The following UBE4B variants were observed in gnomAD, a reference collection of about 807,000 sequenced individuals.
UBE4B encodes the protein ubiquitination factor E4B, also known as ubiquitin conjugation factor E4 B.
A neutral mutation model predicts 148.1 loss-of-function variants in UBE4B; 27 were observed. The ratio of observed to expected loss-of-function variants is 0.18; its 90% CI spans 0.13 to 0.25. The LOEUF (loss-of-function observed/expected upper bound fraction) is 0.25, where lower values mean the gene tolerates loss of function less well. Ranked by LOEUF, UBE4B falls within the 10% of genes least tolerant of loss-of-function variation. The pLI, the probability that UBE4B is intolerant of heterozygous loss-of-function variation, is 1.00. For synonymous variants in UBE4B, 596 were observed against 619.3 expected, an observed-to-expected ratio of 0.96 and a Z score of 0.56; for missense variants, 1,170 against 1,662.4, an observed-to-expected ratio of 0.70 and a Z score of 5.15.
intron 10 of UBE4B, among the ~76,000 whole-genome samples, chr1:10,125,788 A>G (rs1009910929): frequency 3.3e-5 from 5 of 152,238 alleles, no homozygotes; most frequent in African/African-American, 9.6e-5. Context: ...TCATAAATGT[A>G]TAAAAGCAGA....
In UBE4B at chr1:10,145,029, C is replaced by G; in HGVS notation, c.2453C>G (p.Thr818Ser). ...RHREMLKRCK[T>S]QLKKLVRCKA... ...CGCGAAATGCTGAAGCGCTGTAAAACTCAGCTTAAGGTTTGTATAGCTAAG... is the reference window on the plus strand; with the variant it reads ...CGCGAAATGCTGAAGCGCTGTAAAAGTCAGCTTAAGGTTTGTATAGCTAAG... The change falls in exon 18 of 28, where the codon ACT (threonine) becomes AGT (serine). Residue 818 changes from threonine (T) to serine (S), a missense_variant. Physicochemically the swap from Thr to Ser is moderately conservative, Grantham distance 58. Coordinates refer to ENST00000343090, the MANE Select transcript of UBE4B (RefSeq NM_001105562.3). 1 of 1,613,358 alleles carries G rather than the reference C, an allele frequency of 6.2e-7. No individual in the cohort carries two copies. The highest frequency in any genetic ancestry group is 8.5e-7 in the Non-Finnish European group (1 of 1,179,496).
At position 10,161,999 on chromosome 1, in the gene UBE4B, C is replaced by CTTTTCTTTTTTTT. The variant is rs1553154002; in HGVS notation, c.3198+717_3198+718insCTTTTTTTTTTTT. 1.5e-5 allele frequency among the ~76,000 whole-genome samples: 2 copies of CTTTTCTTTTTTTT among 137,262 alleles called. No individual in the cohort carries two copies. Among genetic ancestry groups the CTTTTCTTTTTTTT allele is most frequent in the Non-Finnish European group, 3.2e-5 (2 of 62,932 alleles). 90.0% of individuals were successfully genotyped at this position (137,262 alleles called of 152,430 possible). ...GGGGACTGCTTTTTCTTCACTTTTT[C>CTTTTCTTTTTTTT]TTTTTTTTTTTTTTTTGAGACGGAG... On this transcript the variant is annotated intron_variant, in intron 23 of 27. Coordinates refer to ENST00000343090, the MANE Select transcript of UBE4B (RefSeq NM_001105562.3). The surrounding 1 kb of genome is among the most constrained non-coding windows in gnomAD (Gnocchi z 4.1).
intron 25 of UBE4B, 46 bp from the exon 26 acceptor site, chr1:10,178,598 C>T (rs759777909): frequency 4.0e-6 from 6 of 1,512,780 alleles, no homozygotes; most frequent in South Asian, 1.3e-5. Context: ...CGCTTTTTTC[C>T]ACCTGACGTA....
At chr1:10,097,005 C>G (rs1349173895) in intron 3 of UBE4B, among the ~76,000 whole-genome samples, 1 of 150,872 alleles carries the variant, frequency 6.6e-6, no homozygotes, top group Non-Finnish European at 1.5e-5. Flanking sequence ...CACCACTGCC[C>G]TCCAGCCTGG....
At chr1:10,178,564 A>G (rs1034002878) in intron 25 of UBE4B, 80 bp from the exon 26 acceptor site, 2 of 1,423,576 alleles carry the variant, frequency 1.4e-6, no homozygotes, top group African/African-American at 2.9e-5. Flanking sequence ...CAAATGGATA[A>G]TACTTTGGAT....
intron 1 of UBE4B, among the ~76,000 whole-genome samples, chr1:10,063,910 GAA>G (rs778112938): frequency 7.7e-5 from 10 of 129,582 alleles, no homozygotes; most frequent in East Asian, 2.2e-4. Flanking sequence ...CTGTCTCAAT[GAA>G]AAAAAAAAAA....
At position 10,126,675 on chromosome 1, in the gene UBE4B, A is replaced by G; in HGVS notation, c.1555-119A>G. ...AATTCTAGACTTTTATATGCAAAAA[A>G]GCTTTTCCCTGGGGAAGGAATGAAA... is the stretch of plus-strand genomic sequence containing the variant. On this transcript the variant is annotated intron_variant, in intron 10 of 27. Transcript: ENST00000343090. The G allele has an allele frequency of 7.3e-6, 6 of 820,722 alleles. No individual in the cohort carries two copies. The East Asian group carries it at 1.6e-4, about 22-fold the overall frequency. 50.8% of individuals were successfully genotyped at this position (820,722 alleles called of 1,614,324 possible). A position where few individuals can be genotyped will look rare whatever the true frequency, so the allele number is the denominator to read the frequency against.
chr1:10,117,606 A>G lies in UBE4B; in HGVS notation c.1338+6A>G. The G allele has an allele frequency of 6.4e-7, 1 of 1,568,204 alleles. No homozygotes were observed. The highest frequency in any genetic ancestry group is 8.6e-7 in the Non-Finnish European group (1 of 1,165,526). On this transcript the variant is annotated splice_donor_region_variant and intron_variant, in intron 8 of 27. Transcript: ENST00000343090. ...AGGAAAAAAAAGCACCAAAGGTAAT[A>G]TGAAATGGATTAACTTAAAAAAAAA...
chr1:10,152,863 C>T (rs72864112), intron 21 of UBE4B, among the ~76,000 whole-genome samples: 1,781 of 152,030 alleles, frequency 0.012, 45 homozygotes, highest in African/African-American at 0.04. Flanking sequence ...ATCTTCTATC[C>T]CTCAGTCTGG....
intron 2 of UBE4B, among the ~76,000 whole-genome samples, chr1:10,088,734 C>T (rs1409531992): frequency 6.6e-6 from 1 of 151,746 alleles, no homozygotes; most frequent in East Asian, 1.9e-4. Context: ...GGCTGGGGGA[C>T]AGTGACGCAA....
intron 7 of UBE4B, chr1:10,107,091 T>A: frequency 1.3e-6 from 1 of 744,196 alleles, no homozygotes; most frequent in Non-Finnish European, 1.9e-6. Flanking sequence ...TTAGGTGAAT[T>A]ATGTTTCTGC....
At chr1:10,141,086 C>T (rs761854862) in intron 17 of UBE4B, among the ~76,000 whole-genome samples, 2 of 152,170 alleles carry the variant, frequency 1.3e-5, no homozygotes, top group Non-Finnish European at 2.9e-5. Context: ...ATCAAGCATC[C>T]TCAGAATCCA....
intron 2 of UBE4B, among the ~76,000 whole-genome samples, chr1:10,073,645 G>C (rs1216043257): frequency 6.6e-6 from 1 of 152,054 alleles, no homozygotes; most frequent in Non-Finnish European, 1.5e-5. Context: ...GCTTAAACCC[G>C]GGAGGTGGAG....
rs1322403845 is a variant in UBE4B, at chr1:10,180,778, T to C, written c.*822T>C. On this transcript the variant is annotated 3_prime_UTR_variant, in exon 28 of 28. Transcript: ENST00000343090. ...AGTGTATCAGGACTTATGTGACTTA[T>C]ATTTTGGGGAGATGAGGGTTGGGTT... The C allele has an allele frequency of 6.6e-6, 1 of 152,332 alleles. No homozygotes were observed. Among genetic ancestry groups the C allele is most frequent in the Non-Finnish European group, 1.5e-5 (1 of 67,990 alleles). The allele number at this position is 152,332 out of a possible 1,614,324, so 9.4% of individuals were successfully genotyped here.
At chr1:10,154,874 A>G (rs1215301071) in intron 21 of UBE4B, among the ~76,000 whole-genome samples, 7 of 152,228 alleles carry the variant, frequency 4.6e-5, no homozygotes, top group African/African-American at 1.2e-4. Context: ...AGGGAAGGAC[A>G]TATACCAAAA....
At position 10,178,778 on chromosome 1, in the gene UBE4B, C is replaced by T. The variant is rs146434563; in HGVS notation, c.3660C>T (p.Arg1220=). Residue 1220 remains arginine (R), a synonymous_variant, in exon 26 of 28, where the codon CGC becomes CGT. Transcript: ENST00000343090. ...KVEEIVAKNA[R]AEIDYSDAPD... ...AGGAGATAGTGGCCAAGAACGCACG[C>T]GCAGAAATCGACTACAGCGACGCTC... The T allele has an allele frequency of 1.7e-4, 280 of 1,613,136 alleles. No individual in the cohort carries two copies. Among genetic ancestry groups the T allele is most frequent in the African/African-American group, 1.7e-3 (124 of 74,902 alleles).
chr1:10,079,320 G>C (rs529414841), intron 2 of UBE4B, among the ~76,000 whole-genome samples: 3 of 152,140 alleles, frequency 2.0e-5, no homozygotes, highest in Admixed American at 6.6e-5. Flanking sequence ...CACCACGCCC[G>C]GCTAATTTTT....
At chr1:10,154,680 A>C (rs1299605713) in intron 21 of UBE4B, among the ~76,000 whole-genome samples, 1 of 152,156 alleles carries the variant, frequency 6.6e-6, no homozygotes, top group Non-Finnish European at 1.5e-5. Context: ...CTCTACTAAA[A>C]ATACAAAAAA....
intron 8 of UBE4B, among the ~76,000 whole-genome samples, chr1:10,118,947 A>G (rs559708069): frequency 4.6e-4 from 57 of 122,828 alleles, no homozygotes; most frequent in African/African-American, 1.9e-3. Flanking sequence ...CAGTGGTGCA[A>G]TCTTGGCTCA....
Sources: allele counts gnomAD v4.1 joint callset (sites outside exome capture counted in the v4.1 genomes callset), GRCh38; gene constraint gnomAD v4.1.1; non-coding constraint Gnocchi (gnomAD v3.1); transcripts MANE v1.5; gene names NCBI Gene and HGNC (gene_info 2026-07-23, HGNC 2026-07-21).